MRPL48: variants seen among roughly 807,000 people sequenced by gnomAD.
The protein encoded by MRPL48 is large ribosomal subunit protein mL48.
Under a neutral mutation model 32.9 loss-of-function variants are expected in MRPL48, and 16 were observed. The observed-to-expected ratio is 0.49, with a 90% CI of 0.33 to 0.74. The LOEUF is 0.74. Ranked by LOEUF, MRPL48 falls within the 30% of genes least tolerant of loss-of-function variation. The probability of loss-of-function intolerance (pLI) is 0.02; values close to 1 mark genes in which losing one functional copy is unlikely to be tolerated. For missense variants in MRPL48, 206 were observed against 245.3 expected (o/e 0.84, Z 1.07); for synonymous variants, 94 against 89.2 (o/e 1.05, Z -0.31).
At position 73,844,883 on chromosome 11, in the gene MRPL48, T is replaced by C. The variant is rs768984427; in HGVS notation, c.278T>C (p.Ile93Thr). The change falls in exon 5 of 8, where the codon ATT (isoleucine) becomes ACT (threonine). Residue 93 changes from isoleucine (I) to threonine (T), a missense_variant. By Grantham distance (89) the Ile-to-Thr change is moderately conservative. Transcript: ENST00000310614. ...GTDYEYGVLN[I>T]HLTAYDMTLA... ...GATTATGAATATGGGGTTTTAAATA[T>C]TCATCTGACTGCATATGATATGACC... is the stretch of plus-strand genomic sequence containing the variant. The C allele has an allele frequency of 1.2e-6, 2 of 1,613,924 alleles. No homozygotes were observed. Among genetic ancestry groups the C allele is most frequent in the East Asian group, 4.5e-5 (2 of 44,872 alleles).
chr11:73,825,821 G>T, intron 4 of MRPL48, 25 bp downstream of exon 4: 1 of 1,539,478 alleles, frequency 6.5e-7, no homozygotes, highest in South Asian at 1.2e-5. Flanking sequence ...GAGTCTTTTG[G>T]AAAAGGATAA....
At chr11:73,798,209 C>G (rs1464153992) in intron 1 of MRPL48, among the ~76,000 whole-genome samples, 1 of 152,042 alleles carries the variant, frequency 6.6e-6, no homozygotes, top group African/African-American at 2.4e-5. Context: ...TCCCGAGTAC[C>G]TGGGATTACA....
intron 4 of MRPL48, among the ~76,000 whole-genome samples, chr11:73,835,868 A>G (rs928514197): frequency 2.6e-5 from 4 of 152,304 alleles, no homozygotes; most frequent in African/African-American, 9.6e-5. Flanking sequence ...ACTACACCCT[A>G]GCCTGAGTGA....
chr11:73,800,040 C>CT (rs34448079), intron 1 of MRPL48, among the ~76,000 whole-genome samples: 20 of 152,038 alleles, frequency 1.3e-4, no homozygotes, highest in African/African-American at 4.1e-4. Flanking sequence ...TTTACATAAA[C>CT]TTTTTTTTCC....
chr11:73,828,003 T>C (rs1161966737), intron 4 of MRPL48, among the ~76,000 whole-genome samples: 1 of 152,166 alleles, frequency 6.6e-6, no homozygotes, highest in Non-Finnish European at 1.5e-5. Context: ...TGAAATTATA[T>C]GTAAAATGTT....
chr11:73,796,573 G>A (rs1438714865), intron 1 of MRPL48, among the ~76,000 whole-genome samples: 1 of 152,252 alleles, frequency 6.6e-6, no homozygotes, highest in East Asian at 1.9e-4. Context: ...ATGAATGGCA[G>A]TGAGAGGCAG....
intron 4 of MRPL48, among the ~76,000 whole-genome samples, chr11:73,840,828 A>G (rs1948174984): frequency 6.6e-6 from 1 of 152,158 alleles, no homozygotes; most frequent in Admixed American, 6.5e-5. Flanking sequence ...AATAAAATAA[A>G]ATAAAAATAA....
chr11:73,843,748 T>G (rs2135051533), intron 4 of MRPL48, among the ~76,000 whole-genome samples: 1 of 152,254 alleles, frequency 6.6e-6, no homozygotes, highest in South Asian at 2.1e-4. Context: ...CAGGATTCTC[T>G]CCTCAGAAAC....
intron 5 of MRPL48, among the ~76,000 whole-genome samples, chr11:73,858,068 A>G (rs1019744080): frequency 6.6e-6 from 1 of 152,238 alleles, no homozygotes; most frequent in Non-Finnish European, 1.5e-5. Flanking sequence ...GCAGAATGCC[A>G]AAAAAGAAAA....
At chr11:73,793,118 T>A (rs1005168092) in intron 1 of MRPL48, among the ~76,000 whole-genome samples, 1 of 152,132 alleles carries the variant, frequency 6.6e-6, no homozygotes, top group African/African-American at 2.4e-5. Context: ...CAGGCTGGAG[T>A]GCAATGGTGC....
chr11:73,844,011 A>G (rs988539372), intron 4 of MRPL48, among the ~76,000 whole-genome samples: 17 of 151,840 alleles, frequency 1.1e-4, no homozygotes, highest in African/African-American at 3.9e-4. Context: ...CCCGGGAGGT[A>G]GAGATTGCAG....
intron 3 of MRPL48, among the ~76,000 whole-genome samples, chr11:73,822,421 C>G (rs111335923): frequency 7.4e-4 from 113 of 152,206 alleles, no homozygotes; most frequent in African/African-American, 2.6e-3. Flanking sequence ...TACTATACCT[C>G]GAGTATCTCA....
intron 4 of MRPL48, among the ~76,000 whole-genome samples, chr11:73,831,876 G>A (rs1173286456): frequency 7.5e-6 from 1 of 133,064 alleles, no homozygotes; most frequent in African/African-American, 2.8e-5. Flanking sequence ...GGAGGTGGAG[G>A]TTGCAATGAG....
At chr11:73,844,568 C>A (rs1948251374) in intron 4 of MRPL48, among the ~76,000 whole-genome samples, 7 of 152,136 alleles carry the variant, frequency 4.6e-5, no homozygotes, top group Admixed American at 4.6e-4. Flanking sequence ...TCAAGTAATT[C>A]ATGTATTCAA....
Position 73,796,602 on chromosome 11 carries a change from G to A in MRPL48, c.22-8425G>A, listed in dbSNP as rs192274653. The stretch of plus-strand genomic sequence containing the variant: ...GAGGCAGACAGCTTCCTGGGCAGAA[G>A]GGGGCAGGTTCCCATTGAGACCCCA... On this transcript the variant is annotated intron_variant, in intron 1 of 7. Transcript: ENST00000310614. 1.9e-3 allele frequency among the ~76,000 whole-genome samples: 288 copies of A among 152,362 alleles called. 3 individuals are homozygous for A. The highest frequency in any genetic ancestry group is 6.8e-3 in the African/African-American group (284 of 41,584).
chr11:73,826,835 G>A (rs1281189818), intron 4 of MRPL48, among the ~76,000 whole-genome samples: 2 of 147,112 alleles, frequency 1.4e-5, no homozygotes, highest in African/African-American at 5.1e-5. Context: ...GGAGGGCAAT[G>A]GTGCGATCTC....
At chr11:73,849,845 C>T (rs541854491) in intron 5 of MRPL48, among the ~76,000 whole-genome samples, 6 of 152,174 alleles carry the variant, frequency 3.9e-5, no homozygotes, top group Non-Finnish European at 8.8e-5. Context: ...CACCTGTAAT[C>T]CCAGTACTTT....
intron 5 of MRPL48, among the ~76,000 whole-genome samples, chr11:73,857,603 T>C (rs2135083992): frequency 7.0e-6 from 1 of 142,662 alleles, no homozygotes; most frequent in African/African-American, 2.6e-5. Context: ...TTTTTTTTTT[T>C]TTTTTTTTTG....
At chr11:73,840,417 C>G (rs1295670817) in intron 4 of MRPL48, among the ~76,000 whole-genome samples, 1 of 152,156 alleles carries the variant, frequency 6.6e-6, no homozygotes, top group Non-Finnish European at 1.5e-5. Context: ...TCACTTGAGC[C>G]TAGGAGGTCG....
Sources: allele counts gnomAD v4.1 joint callset (sites outside exome capture counted in the v4.1 genomes callset), GRCh38; gene constraint gnomAD v4.1.1; transcripts MANE v1.5; gene names NCBI Gene and HGNC (gene_info 2026-07-23, HGNC 2026-07-21).